Variants in GPC6 observed in about 807,000 individuals in gnomAD.
The protein encoded by GPC6 is glypican 6, also known as glypican-6.
In GPC6, 14 loss-of-function variants were observed where a neutral mutation model predicts 55.2. The ratio of observed to expected loss-of-function variants is 0.25; its 90% CI spans 0.17 to 0.40. The LOEUF is 0.40. Among genes scored for constraint, GPC6 ranks in the 10% least tolerant of loss-of-function variants. The probability of loss-of-function intolerance (pLI) is 1.00; values close to 1 mark genes in which losing one functional copy is unlikely to be tolerated. For missense variants in GPC6, 641 were observed against 708.5 expected (o/e 0.90, Z 1.08); for synonymous variants, 278 against 259.6 (o/e 1.07, Z -0.68).
At chr13:94,353,406 T>C (rs1878647858) in intron 6 of GPC6, among the ~76,000 whole-genome samples, 1 of 152,170 alleles carries the variant, frequency 6.6e-6, no homozygotes, top group African/African-American at 2.4e-5. Context: ...TCCTCCCCAG[T>C]TCCTCATGAA....
chr13:93,763,328 A>G (rs1450239858), intron 2 of GPC6, among the ~76,000 whole-genome samples: 1 of 152,172 alleles, frequency 6.6e-6, no homozygotes, highest in African/African-American at 2.4e-5. Flanking sequence ...GAATAGCACA[A>G]TTTCATCAAT....
intron 2 of GPC6, among the ~76,000 whole-genome samples, chr13:93,585,874 T>C (rs1449314272): frequency 6.6e-6 from 1 of 152,206 alleles, no homozygotes; most frequent in African/African-American, 2.4e-5. Flanking sequence ...AAGGAATTTC[T>C]CTTGCTACTG....
In GPC6 at chr13:93,809,089, T is replaced by C. The variant is rs184810886; in HGVS notation, c.320-21065T>C. ...CATTTTAAGAGAACAACAGATTGTA[T>C]TGATTTACTTTAGATCCTGCGACTC... On this transcript the variant is annotated intron_variant, in intron 2 of 8. Coordinates refer to ENST00000377047, the MANE Select transcript of GPC6 (RefSeq NM_005708.5). Among the ~76,000 whole-genome samples, 184 of 152,272 alleles carry C rather than the reference T, an allele frequency of 1.2e-3. 1 individual carries two copies. The highest frequency in any genetic ancestry group is 4.3e-3 in the African/African-American group (179 of 41,546).
intron 2 of GPC6, among the ~76,000 whole-genome samples, chr13:93,571,451 T>C (rs1876400359): frequency 6.6e-6 from 1 of 152,162 alleles, no homozygotes; most frequent in African/African-American, 2.4e-5. Context: ...AGAAAATCAT[T>C]ATCAGGAATT....
chr13:93,710,371 C>G (rs992955940), intron 2 of GPC6, among the ~76,000 whole-genome samples: 1 of 151,748 alleles, frequency 6.6e-6, no homozygotes, highest in Non-Finnish European at 1.5e-5. Flanking sequence ...GTACAGAGCA[C>G]TAGGAGTTGG....
At position 93,250,506 on chromosome 13, in the gene GPC6, A is replaced by C. The variant is rs545512363; in HGVS notation, c.160+22890A>C. Among the ~76,000 whole-genome samples, 7 of 152,112 alleles carry C rather than the reference A, an allele frequency of 4.6e-5. No individual in the cohort carries two copies. The South Asian group carries it at 1.5e-3, about 32-fold the overall frequency. ...AGACCTCCTGAGTCACTGGTTTGTC[A>C]CTCAACTGGCCTCTGGCCCACCTCC... is the stretch of plus-strand genomic sequence containing the variant. On this transcript the variant is annotated intron_variant, in intron 1 of 8. Coordinates refer to ENST00000377047, the MANE Select transcript of GPC6 (RefSeq NM_005708.5).
intron 2 of GPC6, among the ~76,000 whole-genome samples, chr13:93,665,673 G>T (rs897083154): frequency 3.3e-5 from 5 of 152,166 alleles, no homozygotes; most frequent in African/African-American, 1.2e-4. Flanking sequence ...AAGAGAAAAA[G>T]TTTTGTAAGA....
chr13:94,187,793 A>G (rs1007320784), intron 4 of GPC6: 5 of 152,206 alleles, frequency 3.3e-5, no homozygotes, highest in South Asian at 2.1e-4. Context: ...AGGTATGTCT[A>G]TATAATACAC....
chr13:94,319,724 T>G (rs1876719676), intron 6 of GPC6, among the ~76,000 whole-genome samples: 1 of 152,212 alleles, frequency 6.6e-6, no homozygotes, highest in South Asian at 2.1e-4. Flanking sequence ...TATCTCCTGG[T>G]TTCCACTGCT....
chr13:94,168,880 G>A (rs1439433510), intron 4 of GPC6, among the ~76,000 whole-genome samples: 1 of 152,014 alleles, frequency 6.6e-6, no homozygotes, highest in Non-Finnish European at 1.5e-5. Context: ...GGGTAAGTAG[G>A]CCCTGGTGAA....
intron 2 of GPC6, among the ~76,000 whole-genome samples, chr13:93,649,973 A>G (rs1325739165): frequency 6.6e-6 from 1 of 152,210 alleles, no homozygotes; most frequent in Non-Finnish European, 1.5e-5. Context: ...TTCAAATAAA[A>G]TAATGAAGTC....
intron 2 of GPC6, among the ~76,000 whole-genome samples, chr13:93,549,855 A>T (rs974233161): frequency 3.3e-5 from 5 of 152,296 alleles, no homozygotes; most frequent in African/African-American, 1.2e-4. Context: ...CCAAGTTTCC[A>T]CTAAGAATGA....
intron 1 of GPC6, among the ~76,000 whole-genome samples, chr13:93,292,451 A>G (rs1878348017): frequency 6.6e-6 from 1 of 152,212 alleles, no homozygotes; most frequent in Non-Finnish European, 1.5e-5. Context: ...ATCTCAAAAT[A>G]TATACAACAA....
At chr13:93,412,516 G>T (rs113566203) in intron 1 of GPC6, among the ~76,000 whole-genome samples, 1 of 152,078 alleles carries the variant, frequency 6.6e-6, no homozygotes, top group Non-Finnish European at 1.5e-5. Flanking sequence ...AATTAGCTGG[G>T]CATGGTGGCA....
chr13:93,715,884 T>C (rs1883236459), intron 2 of GPC6, among the ~76,000 whole-genome samples: 2 of 151,760 alleles, frequency 1.3e-5, no homozygotes, highest in South Asian at 4.1e-4. Flanking sequence ...CCAGGTGTGA[T>C]CTGTATGCAC....
In GPC6 at chr13:93,350,260, C is replaced by G. The variant is rs557945592; in HGVS notation, c.160+122644C>G. On this transcript the variant is annotated intron_variant, in intron 1 of 8. Transcript: ENST00000377047. ...GACAAGCCTGGCCAATATGGTGAAA[C>G]CCCATCTCTACTAAAAATACAAAAA... 6.0e-4 allele frequency among the ~76,000 whole-genome samples: 91 copies of G among 152,100 alleles called. No homozygotes were observed. The South Asian group carries it at 6.8e-3, about 11-fold the overall frequency.
chr13:93,630,909 G>A (rs1459782394), intron 2 of GPC6, among the ~76,000 whole-genome samples: 1 of 152,058 alleles, frequency 6.6e-6, no homozygotes, highest in Non-Finnish European at 1.5e-5. Flanking sequence ...TTGAAGATAG[G>A]CCCTTTAAAG....
intron 4 of GPC6, among the ~76,000 whole-genome samples, chr13:94,175,986 A>AGAGAGCGC: frequency 7.6e-6 from 1 of 131,206 alleles, no homozygotes; most frequent in Admixed American, 7.8e-5. Flanking sequence ...AGAGAGAGAG[A>AGAGAGCGC]GAGAGAGCGA....
At chr13:93,429,666 T>C (rs1877282209) in intron 1 of GPC6, among the ~76,000 whole-genome samples, 1 of 152,112 alleles carries the variant, frequency 6.6e-6, no homozygotes, top group Admixed American at 6.6e-5. Flanking sequence ...TATTGGCATC[T>C]GATATGAGAA....
Sources: gnomAD v4.1 joint callset for allele counts (sites outside exome capture counted in the v4.1 genomes callset) on GRCh38, gnomAD v4.1.1 for gene constraint, MANE v1.5 for transcripts, NCBI Gene and HGNC (gene_info 2026-07-23, HGNC 2026-07-21) for gene names.